SFMBT1: variants seen among roughly 807,000 people sequenced by gnomAD.
The protein encoded by SFMBT1 is scm-like with four MBT domains protein 1.
Under a neutral mutation model 108.7 loss-of-function variants are expected in SFMBT1, and 32 were observed. That is an observed-to-expected ratio of 0.29 (90% CI 0.22 to 0.40). The LOEUF is 0.40. SFMBT1 is among the 10% of genes least tolerant of loss of function. The probability of loss-of-function intolerance (pLI) is 1.00; values close to 1 mark genes in which losing one functional copy is unlikely to be tolerated. For synonymous variants in SFMBT1, 348 were observed against 369.5 expected (o/e 0.94, Z 0.67); for missense variants, 816 against 1,059.6 (o/e 0.77, Z 3.19).
chr3:53,021,159 C>G lies in SFMBT1; in HGVS notation c.-131+24657G>C, dbSNP rs1449590764. ...TATTCGTAAAGGACATCTCTAACAA[C>G]AATCTTTTTTACACTCAGTACATTT... On this transcript the variant is annotated intron_variant, in intron 1 of 20. Coordinates refer to ENST00000394752, the MANE Select transcript of SFMBT1 (RefSeq NM_016329.4). Among the ~76,000 whole-genome samples, 4 of 152,214 alleles carry G rather than the reference C, an allele frequency of 2.6e-5. No homozygotes were observed. In the East Asian group the frequency reaches 7.7e-4, roughly 29 times the overall value.
chr3:52,928,362 T>C (rs751488546), intron 8 of SFMBT1, 21 bp from the exon 9 acceptor site: 1 of 1,610,530 alleles, frequency 6.2e-7, no homozygotes, highest in South Asian at 1.1e-5. Context: ...AATTAATAGA[T>C]GAAATAGACA....
intron 1 of SFMBT1, among the ~76,000 whole-genome samples, chr3:53,000,125 G>A (rs557984717): frequency 6.7e-6 from 1 of 150,212 alleles, no homozygotes; most frequent in South Asian, 2.1e-4. Flanking sequence ...GCCTCCCAAA[G>A]TGCTGGGATT....
chr3:53,009,475 C>A (rs1370519825), intron 1 of SFMBT1, among the ~76,000 whole-genome samples: 2 of 152,044 alleles, frequency 1.3e-5, no homozygotes, highest in Admixed American at 6.6e-5. Context: ...CTTTGAACAA[C>A]AAAAGTTGTT....
At chr3:52,928,442 G>A in intron 8 of SFMBT1, 101 bp from the exon 9 acceptor site, 1 of 1,225,606 alleles carries the variant, frequency 8.2e-7, no homozygotes, top group African/African-American at 1.5e-5. Context: ...TACTCATGTG[G>A]GTATTAATAA....
chr3:53,045,520 CT>C, intron 1 of SFMBT1, among the ~76,000 whole-genome samples: 1 of 143,920 alleles, frequency 6.9e-6, no homozygotes. Context: ...GCCGCCGCCG[CT>C]CTCCGCCGCG....
chr3:53,034,448 G>A (rs968103508), intron 1 of SFMBT1, among the ~76,000 whole-genome samples: 6 of 151,886 alleles, frequency 4.0e-5, no homozygotes, highest in African/African-American at 1.2e-4. Flanking sequence ...GTGGTGGTGC[G>A]TGCCTGTCTA....
intron 2 of SFMBT1, among the ~76,000 whole-genome samples, chr3:52,963,615 A>AC (rs1553638786): frequency 6.8e-6 from 1 of 146,880 alleles, no homozygotes; most frequent in African/African-American, 2.5e-5. Flanking sequence ...CACCTGGCTA[A>AC]TTTTTTTTTT....
chr3:52,974,238 A>G (rs1217287629), intron 1 of SFMBT1, among the ~76,000 whole-genome samples: 1 of 152,224 alleles, frequency 6.6e-6, no homozygotes, highest in African/African-American at 2.4e-5. Flanking sequence ...GAATTTGTAC[A>G]CTTATCCCTC....
chr3:52,943,333 G>A lies in SFMBT1; in HGVS notation c.364+20C>T. 1 of 1,613,940 alleles carries A rather than the reference G, an allele frequency of 6.2e-7. No individual in the cohort carries two copies. The highest frequency in any genetic ancestry group is 8.5e-7 in the Non-Finnish European group (1 of 1,179,900). On this transcript the variant is annotated intron_variant, in intron 4 of 20. Transcript: ENST00000394752. ...TTACAGTAAAATCACGTCACGTCTT[G>A]ATAGGAAGTATTTCATTACCTTCTG...
intron 4 of SFMBT1, among the ~76,000 whole-genome samples, chr3:52,937,915 T>TCA (rs149638008): frequency 0.041 from 6,285 of 152,168 alleles, 181 homozygotes; most frequent in Middle Eastern, 0.082. Context: ...AAAAATAAGT[T>TCA]CACACACACA....
chr3:53,010,047 T>C (rs1698889214), intron 1 of SFMBT1, among the ~76,000 whole-genome samples: 1 of 152,208 alleles, frequency 6.6e-6, no homozygotes, highest in Admixed American at 6.5e-5. Flanking sequence ...TTGGTTTCTA[T>C]ACTATGCTCT....
intron 16 of SFMBT1, among the ~76,000 whole-genome samples, chr3:52,912,176 A>AT (rs967254423): frequency 2.9e-4 from 44 of 150,992 alleles, no homozygotes; most frequent in African/African-American, 9.5e-4. Context: ...GATTCTGTGA[A>AT]TTTTTTTTGT....
chr3:52,966,142 C>T (rs1704134236), intron 2 of SFMBT1, among the ~76,000 whole-genome samples: 1 of 145,176 alleles, frequency 6.9e-6, no homozygotes, highest in Non-Finnish European at 1.5e-5. Context: ...AGGGTGAAAC[C>T]CCGTCTCTAC....
chr3:53,038,311 GA>G (rs1699929428), intron 1 of SFMBT1, among the ~76,000 whole-genome samples: 1 of 152,086 alleles, frequency 6.6e-6, no homozygotes, highest in Non-Finnish European at 1.5e-5. Flanking sequence ...CAAAGAAACT[GA>G]TACTTTCTCA....
chr3:52,993,491 C>T (rs766762907), intron 1 of SFMBT1, among the ~76,000 whole-genome samples: 1 of 149,968 alleles, frequency 6.7e-6, no homozygotes, highest in Non-Finnish European at 1.5e-5. Context: ...AATTTCTATA[C>T]CTTTAAGGGA....
intron 2 of SFMBT1, among the ~76,000 whole-genome samples, chr3:52,967,436 C>A (rs1704184755): frequency 6.6e-6 from 1 of 151,966 alleles, no homozygotes; most frequent in African/African-American, 2.4e-5. Flanking sequence ...GAAATGATGG[C>A]TAATGGTTTG....
At position 53,001,869 on chromosome 3, in the gene SFMBT1, G is replaced by A. The variant is rs547788882; in HGVS notation, c.-130-32611C>T. ...AGGCCCAGGAGGTCAAGGCTGCAGT[G>A]AGCACTGATCCTGCCACCGCATTCC... On this transcript the variant is annotated intron_variant, in intron 1 of 20. Coordinates refer to ENST00000394752, the MANE Select transcript of SFMBT1 (RefSeq NM_016329.4). 2.0e-5 allele frequency among the ~76,000 whole-genome samples: 3 copies of A among 147,408 alleles called. No homozygotes were observed. In the East Asian group the frequency reaches 6.0e-4, roughly 29 times the overall value.
At chr3:53,001,925 T>TCTCA (rs1448849638) in intron 1 of SFMBT1, among the ~76,000 whole-genome samples, 1,332 of 129,228 alleles carry the variant, frequency 0.01, 59 homozygotes, top group East Asian at 0.037. Flanking sequence ...ACCCAGTCTC[T>TCTCA]CACACACACA....
intron 13 of SFMBT1, among the ~76,000 whole-genome samples, chr3:52,916,684 C>T (rs1226748864): frequency 6.6e-6 from 1 of 150,560 alleles, no homozygotes; most frequent in Non-Finnish European, 1.5e-5. Flanking sequence ...AACCAAACAA[C>T]AACAACAACA....
Sources: gnomAD v4.1 joint callset for allele counts (sites outside exome capture counted in the v4.1 genomes callset) on GRCh38, gnomAD v4.1.1 for gene constraint, MANE v1.5 for transcripts, NCBI Gene and HGNC (gene_info 2026-07-23, HGNC 2026-07-21) for gene names.